The following ZNF425 variants were observed in gnomAD, a reference collection of about 807,000 sequenced individuals.
ZNF425 encodes the protein zinc finger protein 425.
In ZNF425, 21 loss-of-function variants were observed where a neutral mutation model predicts 17.0. That is an observed-to-expected ratio of 1.23 (90% CI 0.88 to 1.78). The LOEUF (loss-of-function observed/expected upper bound fraction) is 1.78, where lower values mean the gene tolerates loss of function less well. Ranked by LOEUF, ZNF425 falls within the 40% of genes most tolerant of loss-of-function variation. ZNF425 has a pLI of 0.00. For synonymous variants in ZNF425, 433 were observed against 384.1 expected (o/e 1.13, Z -1.49); for missense variants, 868 against 967.3 (o/e 0.90, Z 1.36).
intron 1 of ZNF425, among the ~76,000 whole-genome samples, chr7:149,119,884 T>C (rs754718105): frequency 1.3e-5 from 2 of 152,178 alleles, no homozygotes; most frequent in Non-Finnish European, 2.9e-5. Flanking sequence ...AATTGAGACA[T>C]GATTTATGTA....
intron 1 of ZNF425, among the ~76,000 whole-genome samples, chr7:149,121,980 A>G (rs1217577488): frequency 2.0e-5 from 3 of 151,872 alleles, no homozygotes; most frequent in East Asian, 1.9e-4. Context: ...CAGTGGTGCA[A>G]TCGCGGCTCA....
Position 149,103,347 on chromosome 7 carries a change from A to C in ZNF425, c.*265T>G. On this transcript the variant is annotated 3_prime_UTR_variant, in exon 4 of 4. Transcript: ENST00000378061. ...TCCTCCTGCCTCAACCTCCCAAAGT[A>C]GCTGGGACCACAAGCATGCACCACA... The C allele has an allele frequency of 2.5e-6, 1 of 393,718 alleles. No individual in the cohort carries two copies. Among genetic ancestry groups the C allele is most frequent in the Non-Finnish European group, 4.5e-6 (1 of 221,288 alleles). The allele number at this position is 393,718 out of a possible 1,614,324, so 24.4% of individuals were successfully genotyped here.
chr7:149,107,527 C>T (rs1420281660), intron 3 of ZNF425, among the ~76,000 whole-genome samples: 11 of 151,660 alleles, frequency 7.3e-5, no homozygotes, highest in Middle Eastern at 3.4e-3. Flanking sequence ...TTAGTAGAGA[C>T]GGGGTTTCAT....
chr7:149,108,827 A>G (rs1300048715), intron 3 of ZNF425, among the ~76,000 whole-genome samples: 16 of 152,060 alleles, frequency 1.1e-4, no homozygotes, highest in Admixed American at 1.1e-3. Flanking sequence ...GGGAGGTGGA[A>G]GTTGCAGTGA....
In ZNF425 at chr7:149,103,830, A is replaced by T. The variant is rs1465018182; in HGVS notation, c.2041T>A (p.Leu681Met). The T allele has an allele frequency of 2.5e-6, 4 of 1,610,102 alleles. No individual in the cohort carries two copies. The South Asian group carries it at 4.4e-5, about 18-fold the overall frequency. The change falls in exon 4 of 4, where the codon TTG becomes ATG. Residue 681 changes from leucine to methionine, a missense_variant. Transcript: ENST00000378061. ...CTGTGCTTATACAAGTGGACCTTCA[A>T]GCTGCCCCTGATGCAGTAGCTCTTG... ...CDKSYCIRGS[L>M]KVHLYKHSGE...
In ZNF425 at chr7:149,103,926, G is replaced by T; in HGVS notation, c.1945C>A (p.Gln649Lys). Residue 649 changes from glutamine to lysine, a missense_variant, in exon 4 of 4, where the codon CAA (glutamine) becomes AAA (lysine). By Grantham distance (53) the Gln-to-Lys change is moderately conservative (BLOSUM62 1). Transcript: ENST00000378061. ...ATGTGTTCTGTGAGCCGGTACTGTT[G>T]AGTGAAACTTTTGCCGCACATCACA... ...SCVMCGKSFT[Q>K]QYRLTEHIRV... 6.2e-7 allele frequency: 1 copy of T among 1,614,078 alleles called. No homozygotes were observed. The highest frequency in any genetic ancestry group is 1.1e-5 in the South Asian group (1 of 91,080).
intron 1 of ZNF425, among the ~76,000 whole-genome samples, chr7:149,119,996 C>T (rs946796036): frequency 2.0e-5 from 3 of 152,124 alleles, no homozygotes; most frequent in Non-Finnish European, 4.4e-5. Flanking sequence ...GAACCAATCC[C>T]TTGCGGATAC....
chr7:149,107,757 G>T (rs969814867), intron 3 of ZNF425, among the ~76,000 whole-genome samples: 1 of 151,992 alleles, frequency 6.6e-6, no homozygotes, highest in Non-Finnish European at 1.5e-5. Flanking sequence ...GACCATTGCA[G>T]ATATTCACTT....
At chr7:149,117,459 T>C (rs1025892200) in intron 2 of ZNF425, among the ~76,000 whole-genome samples, 6 of 152,044 alleles carry the variant, frequency 3.9e-5, no homozygotes, top group Non-Finnish European at 7.4e-5. Context: ...CCATGCACTA[T>C]GTTGCATCCC....
chr7:149,114,931 C>CTT (rs35954198), intron 2 of ZNF425, among the ~76,000 whole-genome samples: 113 of 100,986 alleles, frequency 1.1e-3, no homozygotes, highest in Non-Finnish European at 1.6e-3. Context: ...TCTTTCTTTT[C>CTT]TTTTTTTTTT....
chr7:149,126,117 C>T (rs1826463450), intron 1 of ZNF425, 79 bp downstream of exon 1: 1 of 1,605,356 alleles, frequency 6.2e-7, no homozygotes, highest in Non-Finnish European at 8.5e-7. Context: ...CGCCCCACTC[C>T]CTGGACGCGG....
At chr7:149,121,448 G>A (rs1197918690) in intron 1 of ZNF425, among the ~76,000 whole-genome samples, 1 of 150,480 alleles carries the variant, frequency 6.6e-6, no homozygotes, top group Non-Finnish European at 1.5e-5. Flanking sequence ...CTGGAGTGCA[G>A]TGGTGTGATC....
rs1826045043 is a variant in ZNF425 at position 149,104,662 on chromosome 7, C to T, written c.1209G>A (p.Glu403=). The T allele has an allele frequency of 6.2e-7, 1 of 1,614,144 alleles. No homozygotes were observed. Among genetic ancestry groups the T allele is most frequent in the Non-Finnish European group, 8.5e-7 (1 of 1,180,042 alleles). Residue 403 remains glutamate, a synonymous_variant, in exon 4 of 4, where the codon GAG becomes GAA. Coordinates refer to ENST00000378061, the MANE Select transcript of ZNF425 (RefSeq NM_001001661.3). The surrounding 1 kb of genome is among the most constrained non-coding windows in gnomAD (Gnocchi z 4.3). ...RKFIYKIKLD[E]HIRVHTGEKP... ...TCTCTCCCGTGTGAACTCTGATGTG[C>T]TCGTCCAGCTTAATCTTGTAGATGA... is the stretch of plus-strand genomic sequence containing the variant.
At chr7:149,120,898 T>C (rs911086489) in intron 1 of ZNF425, among the ~76,000 whole-genome samples, 7 of 152,174 alleles carry the variant, frequency 4.6e-5, no homozygotes, top group African/African-American at 1.7e-4. Flanking sequence ...GTTTTAACTT[T>C]TTGGATATTA....
chr7:149,122,004 C>T (rs1826364083), intron 1 of ZNF425, among the ~76,000 whole-genome samples: 1 of 151,878 alleles, frequency 6.6e-6, no homozygotes, highest in Middle Eastern at 3.2e-3. Context: ...CAAGCTGCAT[C>T]TCCCAGGTTC....
intron 1 of ZNF425, among the ~76,000 whole-genome samples, chr7:149,122,500 T>C (rs1826375225): frequency 6.6e-6 from 1 of 152,102 alleles, no homozygotes; most frequent in Non-Finnish European, 1.5e-5. Flanking sequence ...CTTTTCACGC[T>C]CTTAACAGGA....
chr7:149,121,855 ATG>A (rs1456198593), intron 1 of ZNF425, among the ~76,000 whole-genome samples: 15 of 152,068 alleles, frequency 9.9e-5, no homozygotes, highest in Non-Finnish European at 2.2e-4. Flanking sequence ...ACATCTTTTT[ATG>A]TGTTTTTTCC....
chr7:149,126,262 C>T lies in ZNF425; in HGVS notation c.-49G>A, dbSNP rs757301180. On this transcript the variant is annotated 5_prime_UTR_variant, in exon 1 of 4. Coordinates refer to ENST00000378061, the MANE Select transcript of ZNF425 (RefSeq NM_001001661.3). ...TGCCTGGCACGGCCTCCCCTCCGCT[C>T]CGCCCCAACCCAACTCCCAGGTACA... 3 of 1,595,006 alleles carry T rather than the reference C, an allele frequency of 1.9e-6. No homozygotes were observed. Among genetic ancestry groups the T allele is most frequent in the East Asian group, 2.3e-5 (1 of 43,490 alleles).
chr7:149,120,724 T>C (rs539050800), intron 1 of ZNF425, among the ~76,000 whole-genome samples: 9 of 152,352 alleles, frequency 5.9e-5, no homozygotes, highest in Admixed American at 3.9e-4. Context: ...CACACTCTGA[T>C]GTTTGCACAA....
Sources: gnomAD v4.1 joint callset for allele counts (sites outside exome capture counted in the v4.1 genomes callset) on GRCh38, gnomAD v4.1.1 for gene constraint, Gnocchi (gnomAD v3.1) non-coding constraint, MANE v1.5 for transcripts, NCBI Gene and HGNC (gene_info 2026-07-23, HGNC 2026-07-21) for gene names.